Variants in SV2C observed in about 807,000 individuals in gnomAD.
The protein encoded by SV2C is synaptic vesicle glycoprotein 2C.
A neutral mutation model predicts 79.7 loss-of-function variants in SV2C; 49 were observed. That is an observed-to-expected ratio of 0.61 (90% CI 0.49 to 0.78). SV2C has a LOEUF of 0.78. Among genes scored for constraint, SV2C ranks in the 30% least tolerant of loss-of-function variants. The pLI is 0.00. For missense variants in SV2C, 833 were observed against 912.9 expected, an observed-to-expected ratio of 0.91 and a Z score of 1.13; for synonymous variants, 334 against 333.2, an observed-to-expected ratio of 1.00 and a Z score of -0.03.
At chr5:75,975,369 A>G in the SV2C span, among the ~76,000 whole-genome samples, 15 of 152,314 alleles carry the variant, frequency 9.8e-5, no homozygotes, top group South Asian at 2.9e-3. Flanking sequence ...TTGTAAATTA[A>G]TCACCTGAAC....
the SV2C span, among the ~76,000 whole-genome samples, chr5:75,978,262 C>T: frequency 6.6e-6 from 1 of 152,192 alleles, no homozygotes; most frequent in Admixed American, 6.5e-5. Flanking sequence ...TCTTGGCCCT[C>T]CTTATACCAC....
chr5:75,864,445 T>C, the SV2C span, among the ~76,000 whole-genome samples: 6 of 152,154 alleles, frequency 3.9e-5, no homozygotes, highest in Admixed American at 2.0e-4. Flanking sequence ...CAAAGCTTGA[T>C]AGAATCACAG....
At chr5:75,982,306 C>T in the SV2C span, among the ~76,000 whole-genome samples, 4 of 151,202 alleles carry the variant, frequency 2.6e-5, no homozygotes, top group Non-Finnish European at 5.9e-5. Flanking sequence ...GGGCAAAGGA[C>T]GTGAACAGAC....
the SV2C span, among the ~76,000 whole-genome samples, chr5:75,992,127 C>T: frequency 2.6e-5 from 4 of 151,804 alleles, no homozygotes; most frequent in Admixed American, 6.6e-5. Context: ...GTTTATAATA[C>T]GGAGCTTTCC....
the SV2C span, among the ~76,000 whole-genome samples, chr5:75,887,263 T>G: frequency 6.6e-6 from 1 of 152,040 alleles, no homozygotes; most frequent in Non-Finnish European, 1.5e-5. Flanking sequence ...ATACGATACA[T>G]TGTTGTTAGC....
chr5:75,944,206 G>C, the SV2C span, among the ~76,000 whole-genome samples: 1 of 152,038 alleles, frequency 6.6e-6, no homozygotes, highest in African/African-American at 2.4e-5. Flanking sequence ...CTATGATGTT[G>C]ACTAAGAACT....
At chr5:76,138,432 G>A (rs1251130405) in intron 2 of SV2C, among the ~76,000 whole-genome samples, 1 of 152,186 alleles carries the variant, frequency 6.6e-6, no homozygotes, top group Non-Finnish European at 1.5e-5. Context: ...CTTTTTGCTT[G>A]TGAAGTCCAA....
At chr5:75,877,473 T>A in the SV2C span, among the ~76,000 whole-genome samples, 5 of 152,014 alleles carry the variant, frequency 3.3e-5, no homozygotes, top group Non-Finnish European at 7.4e-5. Flanking sequence ...TCTTCTCTAA[T>A]GCACACACAT....
chr5:76,157,962 G>T (rs920045280), intron 2 of SV2C, among the ~76,000 whole-genome samples: 3 of 151,710 alleles, frequency 2.0e-5, no homozygotes, highest in African/African-American at 7.3e-5. Context: ...AATAAAATTG[G>T]TGTAAATCTG....
the SV2C span, chr5:75,911,337 C>A: frequency 7.5e-7 from 1 of 1,326,584 alleles, no homozygotes; most frequent in Non-Finnish European, 1.1e-6. Context: ...CAGAAGTAGT[C>A]CTCCAAACCC....
intron 12 of SV2C, among the ~76,000 whole-genome samples, chr5:76,345,742 T>C (rs1211099550): frequency 6.6e-6 from 1 of 152,126 alleles, no homozygotes; most frequent in Non-Finnish European, 1.5e-5. Context: ...TCTCATTTCA[T>C]CCTCCCAGGA....
At chr5:76,152,458 G>A (rs972131270) in intron 2 of SV2C, among the ~76,000 whole-genome samples, 5 of 152,288 alleles carry the variant, frequency 3.3e-5, no homozygotes, top group African/African-American at 9.6e-5. Context: ...TAGGAGATAC[G>A]TTGGCAAAAT....
chr5:76,330,097 G>A lies in SV2C; in HGVS notation c.*4550G>A, dbSNP rs1749130966. The A allele has an allele frequency of 2.0e-5, 3 of 151,302 alleles. No individual in the cohort carries two copies. Among genetic ancestry groups the A allele is most frequent in the Admixed American group, 2.0e-4 (3 of 15,214 alleles). 9.4% of individuals were successfully genotyped at this position (151,302 alleles called of 1,614,324 possible). On this transcript the variant is annotated 3_prime_UTR_variant, in exon 13 of 13. Coordinates refer to ENST00000502798, the MANE Select transcript of SV2C (RefSeq NM_014979.4). ...AAAAAAAACCTGTTAGTATATTCTGGATGTATTGTGTGTCCCTTCATTGTT... is the reference window on the plus strand; with the variant it reads ...AAAAAAAACCTGTTAGTATATTCTGAATGTATTGTGTGTCCCTTCATTGTT...
intron 12 of SV2C, among the ~76,000 whole-genome samples, chr5:76,317,599 G>A (rs1338687660): frequency 6.6e-6 from 1 of 152,168 alleles, no homozygotes; most frequent in African/African-American, 2.4e-5. Flanking sequence ...GGAGGCCGAG[G>A]TGGGAGAATC....
At chr5:76,324,322 A>G (rs1045434190) in intron 12 of SV2C, among the ~76,000 whole-genome samples, 2 of 152,192 alleles carry the variant, frequency 1.3e-5, no homozygotes, top group Non-Finnish European at 2.9e-5. Context: ...TGTTTCTGAA[A>G]TTATGGGAAT....
chr5:76,197,038 G>A (rs1319385598), intron 3 of SV2C, among the ~76,000 whole-genome samples: 1 of 152,184 alleles, frequency 6.6e-6, no homozygotes, highest in Non-Finnish European at 1.5e-5. Context: ...CGGGGGCTGG[G>A]AATCAAGAAA....
the SV2C span, among the ~76,000 whole-genome samples, chr5:76,067,975 A>T: frequency 3.3e-5 from 5 of 152,124 alleles, no homozygotes; most frequent in African/African-American, 9.6e-5. Flanking sequence ...CTTGATGTTT[A>T]TCCATTTACA....
At chr5:76,022,888 G>C in the SV2C span, among the ~76,000 whole-genome samples, 1 of 152,148 alleles carries the variant, frequency 6.6e-6, no homozygotes, top group African/African-American at 2.4e-5. Flanking sequence ...AGTTGTTTGA[G>C]ATTCACATAG....
At chr5:76,034,809 G>T in the SV2C span, among the ~76,000 whole-genome samples, 1 of 152,326 alleles carries the variant, frequency 6.6e-6, no homozygotes, top group East Asian at 1.9e-4. Context: ...GATTGGAATA[G>T]TTTCAGAAGG....
Sources: allele counts gnomAD v4.1 joint callset (sites outside exome capture counted in the v4.1 genomes callset), GRCh38; gene constraint gnomAD v4.1.1; transcripts MANE v1.5; gene names NCBI Gene and HGNC (gene_info 2026-07-23, HGNC 2026-07-21).